KLHDC4: variants seen among roughly 807,000 people sequenced by gnomAD.
KLHDC4 encodes the protein kelch domain-containing protein 4.
KLHDC4 carries 90 observed loss-of-function variants against 62.4 expected under a neutral mutation model. The ratio of observed to expected loss-of-function variants is 1.44; its 90% CI spans 1.22 to 1.72. The LOEUF (loss-of-function observed/expected upper bound fraction) is 1.72, where lower values mean the gene tolerates loss of function less well. Among genes scored for constraint, KLHDC4 ranks in the 40% most tolerant of loss-of-function variants. The pLI is 0.00. For missense variants in KLHDC4, 1,025 were observed against 699.7 expected (o/e 1.47, Z -5.25); for synonymous variants, 386 against 284.4 (o/e 1.36, Z -3.59).
intron 7 of KLHDC4, among the ~76,000 whole-genome samples, chr16:87,721,313 C>T (rs964199088): frequency 4.0e-5 from 6 of 150,934 alleles, no homozygotes; most frequent in Admixed American, 1.3e-4. Flanking sequence ...CCACCTACTC[C>T]GGAGGCAGGA....
chr16:87,714,004 A>G (rs2036419080), intron 8 of KLHDC4, among the ~76,000 whole-genome samples: 1 of 152,072 alleles, frequency 6.6e-6, no homozygotes, highest in Non-Finnish European at 1.5e-5. Context: ...TGACTTCTGA[A>G]GTTCTGTGCA....
chr16:87,719,561 C>G (rs886647044), intron 7 of KLHDC4, among the ~76,000 whole-genome samples: 1 of 152,064 alleles, frequency 6.6e-6, no homozygotes, highest in Non-Finnish European at 1.5e-5. Flanking sequence ...CCTAGGAAAA[C>G]CAGAGACCTT....
downstream of KLHDC4, among the ~76,000 whole-genome samples, chr16:87,706,195 C>T (rs1277828850): frequency 3.5e-5 from 3 of 84,634 alleles, no homozygotes; most frequent in Non-Finnish European, 6.6e-5. Flanking sequence ...GGGGGGTCAG[C>T]GTAATGCAAA....
At position 87,719,669 on chromosome 16, in the gene KLHDC4, C is replaced by T. The variant is rs59734251; in HGVS notation, c.760-5096G>A. Among the ~76,000 whole-genome samples the T allele has an allele frequency of 6.9e-5, 9 of 130,796 alleles. No individual in the cohort carries two copies. The East Asian group carries it at 2.2e-3, about 33-fold the overall frequency. 85.8% of individuals were successfully genotyped at this position (130,796 alleles called of 152,430 possible). A position where few individuals can be genotyped will look rare whatever the true frequency, so the allele number is the denominator to read the frequency against. On this transcript the variant is annotated intron_variant, in intron 7 of 11. Transcript: ENST00000270583. The stretch of plus-strand genomic sequence containing the variant: ...AACACCCAAGAATGATCAATAAATA[C>T]TAAAAAAAAAAAACAAAAAACTGAT...
intron 3 of KLHDC4, chr16:87,756,157 A>G: frequency 2.8e-6 from 1 of 358,492 alleles, no homozygotes; most frequent in Admixed American, 3.6e-5. Flanking sequence ...AAGAGTGATG[A>G]CGGCAGAGCT....
intron 2 of KLHDC4, among the ~76,000 whole-genome samples, chr16:87,756,957 G>A (rs1165696268): frequency 6.6e-6 from 1 of 151,862 alleles, no homozygotes; most frequent in Non-Finnish European, 1.5e-5. Context: ...GGGATTGCAG[G>A]TGCCCACCAC....
chr16:87,757,869 GAGAC>G (rs1806600492), intron 2 of KLHDC4, among the ~76,000 whole-genome samples: 1 of 152,096 alleles, frequency 6.6e-6, no homozygotes, highest in African/African-American at 2.4e-5. Context: ...TCCATCCTGG[GAGAC>G]AGAGCAAGAC....
chr16:87,725,263 C>T (rs1222293249), intron 7 of KLHDC4, among the ~76,000 whole-genome samples: 1 of 152,126 alleles, frequency 6.6e-6, no homozygotes, highest in Non-Finnish European at 1.5e-5. Flanking sequence ...AAATGTGTCC[C>T]CTCACTGTGG....
chr16:87,708,414 A>T lies in KLHDC4; in HGVS notation c.1500T>A (p.Val500=), dbSNP rs2035076042. The T allele has an allele frequency of 6.2e-7, 1 of 1,611,994 alleles. No homozygotes were observed. The change falls in exon 11 of 12, where the codon GTT becomes GTA. Residue 500 remains valine, a synonymous_variant. Coordinates refer to ENST00000270583, the MANE Select transcript of KLHDC4 (RefSeq NM_017566.4). ...CGTCGACCCCACCCTCGGCGCCCTC[A>T]ACCTCCTCACTGTCCTCTTCCGAGT... ...ETDSEEDSEE[V]EGAEGGVDDE...
intron 5 of KLHDC4, among the ~76,000 whole-genome samples, chr16:87,746,279 G>A (rs1446758857): frequency 2.6e-5 from 4 of 151,042 alleles, no homozygotes; most frequent in Admixed American, 2.0e-4. Context: ...CTTGAAGAAG[G>A]AAGAAAGAAA....
At chr16:87,705,674 A>C (rs2034579401), downstream of KLHDC4, among the ~76,000 whole-genome samples, 1 of 152,250 alleles carries the variant, frequency 6.6e-6, no homozygotes, top group Admixed American at 6.5e-5. Flanking sequence ...AACTACATTG[A>C]AAGCCAACAA....
intron 4 of KLHDC4, among the ~76,000 whole-genome samples, chr16:87,752,781 G>A (rs1567810804): frequency 6.6e-6 from 1 of 152,074 alleles, no homozygotes; most frequent in Non-Finnish European, 1.5e-5. Context: ...GAACACCAGG[G>A]AAAAAAATAA....
intron 1 of KLHDC4, 65 bp from the exon 2 acceptor site, chr16:87,762,105 C>T: frequency 1.9e-6 from 3 of 1,594,636 alleles, no homozygotes; most frequent in Non-Finnish European, 2.6e-6. Flanking sequence ...CCACAGCCCG[C>T]TCAGCTTTCC....
chr16:87,736,772 G>A (rs774152240), intron 5 of KLHDC4, among the ~76,000 whole-genome samples: 5 of 152,106 alleles, frequency 3.3e-5, no homozygotes, highest in Non-Finnish European at 5.9e-5. Context: ...GTCCTTTTAT[G>A]TGCATTTATC....
At chr16:87,740,267 G>A (rs1359996921) in intron 5 of KLHDC4, among the ~76,000 whole-genome samples, 1 of 152,176 alleles carries the variant, frequency 6.6e-6, no homozygotes, top group African/African-American at 2.4e-5. Context: ...AAATGAGAGA[G>A]CTCCAGTGAT....
intron 10 of KLHDC4, among the ~76,000 whole-genome samples, chr16:87,708,869 T>C (rs1053725449): frequency 6.6e-6 from 1 of 152,170 alleles, no homozygotes; most frequent in Non-Finnish European, 1.5e-5. Context: ...CCAGCAGCAG[T>C]TGGGGTAAAG....
chr16:87,742,206 T>C, intron 5 of KLHDC4, among the ~76,000 whole-genome samples: 1 of 152,084 alleles, frequency 6.6e-6, no homozygotes, highest in Non-Finnish European at 1.5e-5. Flanking sequence ...TGCACCAGGA[T>C]GCCACACACC....
chr16:87,747,769 C>T (rs2043255287), intron 5 of KLHDC4: 2 of 152,302 alleles, frequency 1.3e-5, no homozygotes, highest in Admixed American at 6.5e-5. Flanking sequence ...CACTGCAATA[C>T]AGCTGGGGAC....
intron 5 of KLHDC4, among the ~76,000 whole-genome samples, chr16:87,734,847 A>T (rs2041004947): frequency 6.6e-6 from 1 of 152,098 alleles, no homozygotes; most frequent in Non-Finnish European, 1.5e-5. Context: ...CATCCAGCGG[A>T]CACACTACAC....
Sources: gnomAD v4.1 joint callset for allele counts (sites outside exome capture counted in the v4.1 genomes callset) on GRCh38, gnomAD v4.1.1 for gene constraint, MANE v1.5 for transcripts, NCBI Gene and HGNC (gene_info 2026-07-23, HGNC 2026-07-21) for gene names.